SOX6: variants seen among roughly 807,000 people sequenced by gnomAD.
SOX6 encodes SRY-box transcription factor 6.
A neutral mutation model predicts 97.8 loss-of-function variants in SOX6; 11 were observed. The observed-to-expected ratio is 0.11, with a 90% CI of 0.07 to 0.19. The LOEUF is 0.19. Ranked by LOEUF, SOX6 falls within the 10% of genes least tolerant of loss-of-function variation. SOX6 has a pLI of 1.00. For missense variants in SOX6, 810 were observed against 1,039.5 expected (o/e 0.78, Z 3.04); for synonymous variants, 360 against 371.4 (o/e 0.97, Z 0.35).
chr11:16,048,168 C>G (rs1022165510), intron 11 of SOX6, among the ~76,000 whole-genome samples: 1 of 152,148 alleles, frequency 6.6e-6, no homozygotes, highest in African/African-American at 2.4e-5. Flanking sequence ...AAGGTCAACT[C>G]TATAATTTAT....
chr11:16,327,654 T>C (rs1464864366), intron 2 of SOX6, among the ~76,000 whole-genome samples: 5 of 152,084 alleles, frequency 3.3e-5, no homozygotes, highest in Non-Finnish European at 5.9e-5. Flanking sequence ...TTCAGCTGGA[T>C]TGCCGACCAT....
intron 4 of SOX6, among the ~76,000 whole-genome samples, chr11:16,219,554 G>A (rs1852476177): frequency 6.6e-6 from 1 of 151,974 alleles, no homozygotes; most frequent in Non-Finnish European, 1.5e-5. Flanking sequence ...TTTCCTCAGT[G>A]CATTAAATAT....
At chr11:16,203,316 A>G (rs994033112) in intron 4 of SOX6, among the ~76,000 whole-genome samples, 3 of 117,998 alleles carry the variant, frequency 2.5e-5, no homozygotes, top group African/African-American at 9.9e-5. Flanking sequence ...CATGGCAGGG[A>G]AAAAAAAGGA....
At chr11:16,285,545 A>T (rs1371769816) in intron 3 of SOX6, among the ~76,000 whole-genome samples, 1 of 152,022 alleles carries the variant, frequency 6.6e-6, no homozygotes, top group African/African-American at 2.4e-5. Context: ...AAATATGTAT[A>T]TATATTTATA....
intron 1 of SOX6, among the ~76,000 whole-genome samples, chr11:16,403,257 G>T (rs957452381): frequency 6.6e-6 from 1 of 151,608 alleles, no homozygotes; most frequent in Non-Finnish European, 1.5e-5. Context: ...TTAGAGAAGG[G>T]CATTAAAATG....
intron 3 of SOX6, among the ~76,000 whole-genome samples, chr11:16,707,784 C>T (rs111370049): frequency 1.0e-3 from 159 of 152,226 alleles, no homozygotes; most frequent in Non-Finnish European, 1.2e-3. Flanking sequence ...GTAAGCCACA[C>T]AGAATTACTT....
At chr11:16,487,982 T>C (rs919552608) in intron 4 of SOX6, among the ~76,000 whole-genome samples, 5 of 152,140 alleles carry the variant, frequency 3.3e-5, no homozygotes, top group Non-Finnish European at 5.9e-5. Context: ...CCAGAACAAC[T>C]TATGGGAATA....
At chr11:16,682,172 T>C (rs1034705690) in intron 3 of SOX6, among the ~76,000 whole-genome samples, 2 of 152,190 alleles carry the variant, frequency 1.3e-5, no homozygotes, top group Non-Finnish European at 2.9e-5. Context: ...AAGAAAATTT[T>C]AGGCCAATAT....
intron 2 of SOX6, among the ~76,000 whole-genome samples, chr11:16,720,702 A>G (rs925628292): frequency 1.3e-5 from 2 of 151,986 alleles, no homozygotes; most frequent in African/African-American, 4.8e-5. Context: ...ATAATAATAA[A>G]AAAAAGAAAG....
intron 3 of SOX6, among the ~76,000 whole-genome samples, chr11:16,708,173 T>A (rs1165797462): frequency 6.6e-6 from 1 of 152,182 alleles, no homozygotes; most frequent in East Asian, 1.9e-4. Flanking sequence ...CAATAGAAGT[T>A]ATACATGGAT....
At chr11:16,552,162 C>T (rs565704650) in intron 4 of SOX6, among the ~76,000 whole-genome samples, 5 of 151,976 alleles carry the variant, frequency 3.3e-5, no homozygotes, top group African/African-American at 1.2e-4. Flanking sequence ...ACATACACGG[C>T]CCCCAAAAAA....
intron 3 of SOX6, among the ~76,000 whole-genome samples, chr11:16,697,601 C>T (rs890282975): frequency 1.3e-5 from 2 of 152,158 alleles, no homozygotes; most frequent in Non-Finnish European, 2.9e-5. Context: ...CAGAGTGAGA[C>T]TCTATCTCAA....
At chr11:16,723,536 G>C (rs180931759) in intron 2 of SOX6, among the ~76,000 whole-genome samples, 5 of 151,778 alleles carry the variant, frequency 3.3e-5, no homozygotes, top group African/African-American at 1.2e-4. Context: ...ACAGCCAGGC[G>C]CAATAGCTCA....
chr11:16,007,699 C>A (rs1174207330), intron 13 of SOX6, among the ~76,000 whole-genome samples: 1 of 152,088 alleles, frequency 6.6e-6, no homozygotes, highest in Non-Finnish European at 1.5e-5. Context: ...AGTCAAGTGG[C>A]TCTTACTGCC....
At chr11:16,707,604 T>C (rs556429214) in intron 3 of SOX6, among the ~76,000 whole-genome samples, 1 of 152,302 alleles carries the variant, frequency 6.6e-6, no homozygotes, top group African/African-American at 2.4e-5. Flanking sequence ...AACTGAGTAT[T>C]GGGATGTGAA....
chr11:16,522,974 C>A (rs541477264), intron 4 of SOX6, among the ~76,000 whole-genome samples: 1 of 152,302 alleles, frequency 6.6e-6, no homozygotes, highest in Admixed American at 6.5e-5. Context: ...CACCCAGATT[C>A]ATAAAGCAAG....
chr11:16,622,659 T>A (rs1032589756), intron 3 of SOX6, among the ~76,000 whole-genome samples: 27 of 152,226 alleles, frequency 1.8e-4, no homozygotes, highest in African/African-American at 6.5e-4. Context: ...TCTTTATCCA[T>A]TCATTGACTG....
intron 4 of SOX6, among the ~76,000 whole-genome samples, chr11:16,521,791 G>A (rs916524270): frequency 2.0e-5 from 3 of 152,168 alleles, no homozygotes; most frequent in Admixed American, 6.5e-5. Flanking sequence ...TAAAGGAGCT[G>A]ATGGAGCTGA....
At chr11:16,647,363 A>G (rs537595975) in intron 3 of SOX6, among the ~76,000 whole-genome samples, 2 of 152,298 alleles carry the variant, frequency 1.3e-5, no homozygotes, top group African/African-American at 4.8e-5. Context: ...ATGTTGTTTA[A>G]TATACTTGAC....
Sources: gnomAD v4.1 joint callset for allele counts (sites outside exome capture counted in the v4.1 genomes callset) on GRCh38, gnomAD v4.1.1 for gene constraint, MANE v1.5 for transcripts, NCBI Gene and HGNC (gene_info 2026-07-23, HGNC 2026-07-21) for gene names.